PCDHA9: variants seen among roughly 807,000 people sequenced by gnomAD.
PCDHA9 encodes protocadherin alpha-9.
A neutral mutation model predicts 62.0 loss-of-function variants in PCDHA9; 62 were observed. The observed-to-expected ratio is 1.00, with a 90% CI of 0.81 to 1.23. PCDHA9 has a LOEUF of 1.23. Among genes scored for constraint, PCDHA9 ranks in the 50% most tolerant of loss-of-function variants. PCDHA9 has a pLI of 0.00. For missense variants in PCDHA9, 1,205 were observed against 1,249.8 expected, an observed-to-expected ratio of 0.96 and a Z score of 0.54; for synonymous variants, 557 against 567.6, an observed-to-expected ratio of 0.98 and a Z score of 0.27.
At chr5:140,929,015 A>C (rs1563111690) in intron 1 of PCDHA9, 3 of 1,614,016 alleles carry the variant, frequency 1.9e-6, no homozygotes, top group African/African-American at 1.3e-5. Flanking sequence ...ACCAAGTTGC[A>C]CCAGAGCCCA....
intron 1 of PCDHA9, chr5:140,854,252 T>C (rs1188551859): frequency 1.8e-5 from 11 of 627,946 alleles, no homozygotes; most frequent in African/African-American, 2.0e-5. Flanking sequence ...TCACTTGGTA[T>C]AAAATGTACA....
At chr5:140,873,255 C>T (rs1554166636) in intron 1 of PCDHA9, among the ~76,000 whole-genome samples, 1 of 152,074 alleles carries the variant, frequency 6.6e-6, no homozygotes, top group South Asian at 2.1e-4. Context: ...ATTTCAGACT[C>T]AAAAGTGATT....
At chr5:140,923,659 G>A in intron 1 of PCDHA9, among the ~76,000 whole-genome samples, 1 of 152,224 alleles carries the variant, frequency 6.6e-6, no homozygotes, top group East Asian at 1.9e-4. Context: ...CTTATCTTTG[G>A]GATATCGTTC....
At chr5:140,877,535 A>T in intron 1 of PCDHA9, 1 of 1,613,750 alleles carries the variant, frequency 6.2e-7, no homozygotes, top group Admixed American at 1.7e-5. Flanking sequence ...GGCGCTGTGG[A>T]TCCCGAAGCG....
intron 1 of PCDHA9, among the ~76,000 whole-genome samples, chr5:140,892,696 C>T (rs1005435710): frequency 4.6e-5 from 7 of 152,098 alleles, no homozygotes; most frequent in Admixed American, 6.6e-5. Context: ...ATAATAAAAT[C>T]AGGGTAATTA....
At chr5:140,857,501 G>A in intron 1 of PCDHA9, 1 of 1,598,358 alleles carries the variant, frequency 6.3e-7, no homozygotes, top group Non-Finnish European at 8.6e-7. Context: ...GGACGCGCAG[G>A]AGAACGCCCT....
chr5:141,009,746 T>C lies in PCDHA9; in HGVS notation c.2662T>C (p.Phe888Leu). ...CGGTCCCGGTGAGTTGCCCGACAAA[T>C]TCATTATCCCAGGATCTCCTGCAAT... ...QSGPGELPDK[F>L]IIPGSPAIIS... The change falls in exon 4 of 4, where the codon TTC becomes CTC. Residue 888 changes from phenylalanine to leucine, a missense_variant. Transcript: ENST00000532602. 6.2e-7 allele frequency: 1 copy of C among 1,614,062 alleles called. No homozygotes were observed. Among genetic ancestry groups the C allele is most frequent in the Non-Finnish European group, 8.5e-7 (1 of 1,180,018 alleles).
intron 1 of PCDHA9, chr5:140,856,539 A>G (rs782181557): frequency 1.3e-6 from 2 of 1,598,342 alleles, no homozygotes; most frequent in South Asian, 2.2e-5. Context: ...GTTGGAGAGA[A>G]CGCATTGCTT....
chr5:140,876,029 A>C, intron 1 of PCDHA9: 1 of 1,613,700 alleles, frequency 6.2e-7, no homozygotes, highest in Non-Finnish European at 8.5e-7. Context: ...AAAACAAAAA[A>C]AGATAAAAGT....
At chr5:140,882,755 G>C (rs1554175453) in intron 1 of PCDHA9, 3 of 1,614,112 alleles carry the variant, frequency 1.9e-6, no homozygotes, top group Non-Finnish European at 2.5e-6. Context: ...TGCAGATATT[G>C]GAGTAAACTC....
chr5:140,979,411 T>C (rs1422593406), intron 2 of PCDHA9, among the ~76,000 whole-genome samples: 1 of 152,204 alleles, frequency 6.6e-6, no homozygotes, highest in Non-Finnish European at 1.5e-5. Flanking sequence ...CTACCTTGTT[T>C]TTTTTTTAAT....
chr5:140,863,664 A>ATTTTGC (rs1331349828), intron 1 of PCDHA9: 1 of 285,864 alleles, frequency 3.5e-6, no homozygotes, highest in Non-Finnish European at 6.9e-6. Flanking sequence ...TGCTTTATTT[A>ATTTTGC]TTTTGCTTTT....
chr5:140,933,429 G>A (rs2089147163), intron 1 of PCDHA9, among the ~76,000 whole-genome samples: 1 of 151,830 alleles, frequency 6.6e-6, no homozygotes, highest in South Asian at 2.1e-4. Flanking sequence ...GTTCATAGGG[G>A]CACTCTAATG....
At chr5:140,984,157 C>G (rs1187103463) in intron 3 of PCDHA9, among the ~76,000 whole-genome samples, 1 of 152,228 alleles carries the variant, frequency 6.6e-6, no homozygotes, top group Non-Finnish European at 1.5e-5. Flanking sequence ...AAGGTGAGAA[C>G]TTCCCAAAGA....
chr5:140,988,642 T>C (rs981488031), intron 3 of PCDHA9, among the ~76,000 whole-genome samples: 22 of 152,212 alleles, frequency 1.4e-4, no homozygotes, highest in African/African-American at 5.3e-4. Context: ...TTTCTGAAAT[T>C]AAACATTTTT....
chr5:140,876,964 C>G, intron 1 of PCDHA9: 2 of 1,613,060 alleles, frequency 1.2e-6, no homozygotes, highest in Non-Finnish European at 1.7e-6. Context: ...GGTGGAGCGG[C>G]GGGTGGGCGA....
chr5:140,870,319 T>A, intron 1 of PCDHA9: 1 of 1,614,162 alleles, frequency 6.2e-7, no homozygotes, highest in Non-Finnish European at 8.5e-7. Context: ...TTACTACTCG[T>A]TGGTGCTGGA....
intron 1 of PCDHA9, among the ~76,000 whole-genome samples, chr5:140,905,145 T>C (rs1264141592): frequency 1.3e-5 from 2 of 152,252 alleles, no homozygotes; most frequent in African/African-American, 4.8e-5. Context: ...TCTGCTGTTA[T>C]ATTTTAGAAT....
At position 140,856,102 on chromosome 5, in the gene PCDHA9, TCTC is replaced by T. The variant is rs782690525; in HGVS notation, c.2394+5217_2394+5219del. On this transcript the variant is annotated intron_variant, in intron 1 of 3. Coordinates refer to ENST00000532602, the MANE Select transcript of PCDHA9 (RefSeq NM_031857.2). Reference sequence around the variant, plus strand: ...TCCAGTGTCTGCTGCTCTCGCTTCTTCTCCTCGCAGCCTGGGAGGTGGGGAGCG... The same window carrying T: ...TCCAGTGTCTGCTGCTCTCGCTTCTTCTCGCAGCCTGGGAGGTGGGGAGCG... 5.6e-6 allele frequency: 9 copies of T among 1,597,726 alleles called. 1 individual carries two copies. The South Asian group carries it at 7.7e-5, about 14-fold the overall frequency.
Sources: gnomAD v4.1 joint callset for allele counts (sites outside exome capture counted in the v4.1 genomes callset) on GRCh38, gnomAD v4.1.1 for gene constraint, MANE v1.5 for transcripts, NCBI Gene and HGNC (gene_info 2026-07-23, HGNC 2026-07-21) for gene names.